TCF7L2: variants seen among roughly 807,000 people sequenced by gnomAD.
TCF7L2 encodes the protein transcription factor 7 like 2.
TCF7L2 carries 23 observed loss-of-function variants against 77.9 expected under a neutral mutation model. The observed-to-expected ratio is 0.30, with a 90% CI of 0.21 to 0.42. The LOEUF is 0.42. TCF7L2 is among the 10% of genes least tolerant of loss of function. TCF7L2 has a pLI of 1.00. For missense variants in TCF7L2, 654 were observed against 793.1 expected (o/e 0.82, Z 2.11); for synonymous variants, 413 against 340.2 (o/e 1.21, Z -2.36).
chr10:113,108,750 C>T (rs759353263), intron 5 of TCF7L2, among the ~76,000 whole-genome samples: 7 of 152,150 alleles, frequency 4.6e-5, no homozygotes, highest in African/African-American at 1.7e-4. Flanking sequence ...TGGTCGTGGC[C>T]GTCATTTCTG....
At chr10:112,992,139 C>T (rs2042665050) in intron 4 of TCF7L2, among the ~76,000 whole-genome samples, 1 of 152,180 alleles carries the variant, frequency 6.6e-6, no homozygotes, top group African/African-American at 2.4e-5. Context: ...AGGCCTTGGA[C>T]TCAGAGAGCA....
At chr10:113,093,365 C>T (rs1398813395) in intron 5 of TCF7L2, among the ~76,000 whole-genome samples, 1 of 152,150 alleles carries the variant, frequency 6.6e-6, no homozygotes, top group African/African-American at 2.4e-5. Flanking sequence ...TGGTTCTTGG[C>T]CATGGTTCTT....
At chr10:112,960,507 G>A (rs1007337608) in intron 3 of TCF7L2, among the ~76,000 whole-genome samples, 2 of 152,066 alleles carry the variant, frequency 1.3e-5, no homozygotes, top group Non-Finnish European at 2.9e-5. Context: ...TGGAAAATAC[G>A]CTGGAGTTCT....
chr10:113,086,505 A>G (rs1341795182), intron 5 of TCF7L2, among the ~76,000 whole-genome samples: 3 of 152,174 alleles, frequency 2.0e-5, no homozygotes, highest in African/African-American at 7.2e-5. Flanking sequence ...ACCTGCATCT[A>G]TGGGAAGGGC....
intron 11 of TCF7L2, among the ~76,000 whole-genome samples, chr10:113,157,306 C>T (rs948050667): frequency 2.6e-5 from 4 of 152,018 alleles, no homozygotes; most frequent in African/African-American, 7.2e-5. Flanking sequence ...TTAGTAGAGA[C>T]GGGGTTTCGC....
At position 113,068,562 on chromosome 10, in the gene TCF7L2, C is replaced by T. The variant is rs116649624; in HGVS notation, c.552+28436C>T. ...TCGCAGAGATGGACACCAGAATTCA[C>T]AGCACCAGAGTTCAAACACTAAACA... On this transcript the variant is annotated intron_variant, in intron 5 of 13. Coordinates refer to ENST00000627217, the MANE Select transcript of TCF7L2 (RefSeq NM_001146274.2). Among the ~76,000 whole-genome samples the T allele has an allele frequency of 2.0e-3, 310 of 152,314 alleles. 1 individual carries two copies. Among genetic ancestry groups the T allele is most frequent in the Middle Eastern group, 0.014 (4 of 294 alleles).
intron 5 of TCF7L2, among the ~76,000 whole-genome samples, chr10:113,135,619 A>G (rs1291602787): frequency 6.6e-6 from 1 of 152,158 alleles, no homozygotes. Context: ...CTGACGACAT[A>G]AAGTGTTTTT....
At chr10:113,080,986 C>G (rs12259231) in intron 5 of TCF7L2, among the ~76,000 whole-genome samples, 28,972 of 152,068 alleles carry the variant, frequency 0.19, 3,011 homozygotes, top group Admixed American at 0.22. Flanking sequence ...CAGGGGTGTT[C>G]CAGGAACCTG....
intron 4 of TCF7L2, among the ~76,000 whole-genome samples, chr10:113,013,500 G>A (rs935355048): frequency 1.1e-4 from 16 of 152,230 alleles, no homozygotes; most frequent in African/African-American, 3.4e-4. Flanking sequence ...ATACAGGGAG[G>A]TAAGACATTG....
At chr10:113,058,068 T>C (rs1049322650) in intron 5 of TCF7L2, among the ~76,000 whole-genome samples, 3 of 152,178 alleles carry the variant, frequency 2.0e-5, no homozygotes, top group African/African-American at 7.2e-5. Flanking sequence ...ATGTCTTGCG[T>C]GTGCCCTATG....
intron 5 of TCF7L2, among the ~76,000 whole-genome samples, chr10:113,079,007 A>G (rs543343327): frequency 5.3e-5 from 8 of 151,768 alleles, no homozygotes; most frequent in Middle Eastern, 3.4e-3. Flanking sequence ...TAATTTTTGT[A>G]TTTTTAATAG....
chr10:113,069,763 G>A (rs1328581097), intron 5 of TCF7L2, among the ~76,000 whole-genome samples: 1 of 152,182 alleles, frequency 6.6e-6, no homozygotes. Flanking sequence ...CTCCCTCACA[G>A]GTTCTCGTGT....
intron 5 of TCF7L2, among the ~76,000 whole-genome samples, chr10:113,051,878 G>C (rs1049037378): frequency 6.6e-6 from 1 of 152,158 alleles, no homozygotes; most frequent in Non-Finnish European, 1.5e-5. Flanking sequence ...AGAATCCTTA[G>C]ATAATTAATA....
rs577987291 is a variant in TCF7L2, at chr10:113,167,612, C to G, written c.*1640C>G. Reference sequence around the variant, plus strand: ...GCCATTTTTGTAATGAATAAATGTTCATGCTGTACAGTATCTGTAGCATGC... The same window carrying G: ...GCCATTTTTGTAATGAATAAATGTTGATGCTGTACAGTATCTGTAGCATGC... On this transcript the variant is annotated 3_prime_UTR_variant, in exon 14 of 14. Coordinates refer to ENST00000627217, the MANE Select transcript of TCF7L2 (RefSeq NM_001146274.2). 1.0e-5 allele frequency: 2 copies of G among 200,006 alleles called. No homozygotes were observed. Among genetic ancestry groups the G allele is most frequent in the East Asian group, 7.8e-5 (1 of 12,780 alleles). The allele number at this position is 200,006 out of a possible 1,614,324, so 12.4% of individuals were successfully genotyped here. A position where few individuals can be genotyped will look rare whatever the true frequency, so the allele number is the denominator to read the frequency against.
chr10:112,968,086 A>G (rs755733188), intron 4 of TCF7L2, among the ~76,000 whole-genome samples: 8 of 152,260 alleles, frequency 5.3e-5, no homozygotes, highest in Non-Finnish European at 1.0e-4. Context: ...GTGAACGTCC[A>G]TGAAACCATT....
intron 5 of TCF7L2, chr10:113,126,501 T>A (rs575185157): frequency 1.0e-6 from 1 of 952,696 alleles, no homozygotes; most frequent in South Asian, 4.9e-5. Context: ...AATATCAGGC[T>A]TTGTTCTTTT....
chr10:113,069,086 T>C (rs950074306), intron 5 of TCF7L2, among the ~76,000 whole-genome samples: 34 of 151,852 alleles, frequency 2.2e-4, no homozygotes, highest in African/African-American at 8.0e-4. Flanking sequence ...GAATGTCATA[T>C]GGTTTAGAAA....
At chr10:113,136,553 T>C (rs1015927289) in intron 5 of TCF7L2, among the ~76,000 whole-genome samples, 3 of 152,238 alleles carry the variant, frequency 2.0e-5, no homozygotes, top group Admixed American at 2.0e-4. Context: ...ATTGGTTCGC[T>C]GTCACTGGCT....
At chr10:113,078,531 C>T in intron 5 of TCF7L2, among the ~76,000 whole-genome samples, 1 of 152,110 alleles carries the variant, frequency 6.6e-6, no homozygotes, top group East Asian at 1.9e-4. Flanking sequence ...TCATGTGCCA[C>T]CACATCCAGC....
Sources: gnomAD v4.1 joint callset for allele counts (sites outside exome capture counted in the v4.1 genomes callset) on GRCh38, gnomAD v4.1.1 for gene constraint, MANE v1.5 for transcripts, NCBI Gene and HGNC (gene_info 2026-07-23, HGNC 2026-07-21) for gene names.